Variants in C1orf94 observed in about 807,000 individuals in gnomAD.
C1orf94 encodes chromosome 1 open reading frame 94, also known as uncharacterized protein C1orf94.
A neutral mutation model predicts 53.6 loss-of-function variants in C1orf94; 45 were observed. The observed-to-expected ratio is 0.84, with a 90% CI of 0.66 to 1.08. C1orf94 has a LOEUF of 1.08. Ranked by LOEUF, C1orf94 falls within the 50% of genes least tolerant of loss-of-function variation. The probability of loss-of-function intolerance (pLI) is 0.00; values close to 1 mark genes in which losing one functional copy is unlikely to be tolerated. For missense variants in C1orf94, 762 were observed against 738.9 expected (o/e 1.03, Z -0.36); for synonymous variants, 304 against 296.1 (o/e 1.03, Z -0.27).
At chr1:34,204,467 A>G (rs986502202) in intron 4 of C1orf94, among the ~76,000 whole-genome samples, 1 of 152,168 alleles carries the variant, frequency 6.6e-6, no homozygotes, top group Non-Finnish European at 1.5e-5. Context: ...GTTTCATATT[A>G]GTAGTCTATT....
intron 2 of C1orf94, among the ~76,000 whole-genome samples, chr1:34,198,136 A>G (rs1364392851): frequency 3.9e-5 from 6 of 152,270 alleles, no homozygotes; most frequent in Non-Finnish European, 8.8e-5. Context: ...GCAAACCCAG[A>G]GGCCCTGATC....
At chr1:34,169,881 GA>G (rs1194350106) in intron 1 of C1orf94, among the ~76,000 whole-genome samples, 2 of 152,246 alleles carry the variant, frequency 1.3e-5, no homozygotes, top group Non-Finnish European at 2.9e-5. Flanking sequence ...GCTTCATGAG[GA>G]AAAAGCCCAG....
chr1:34,217,751 G>A (rs771873546), intron 6 of C1orf94, among the ~76,000 whole-genome samples: 1 of 152,104 alleles, frequency 6.6e-6, no homozygotes, highest in Admixed American at 6.5e-5. Flanking sequence ...CTCTGCTCCC[G>A]CTTTTTGTTT....
In C1orf94 at chr1:34,177,908, GC is replaced by G. The variant is rs749863622; in HGVS notation, c.123del (p.Cys42AlafsTer21). ...LPSSSALVAK[G>X]PCALGPFPRY... ...TCATCCTCGGCCCTGGTGGCCAAGG[GC>G]CCCTGCGCCCTGGGCCCATTCCCCA... is the stretch of plus-strand genomic sequence containing the variant. On this transcript the variant is annotated frameshift_variant, in exon 1 of 7. Transcript: ENST00000488417. LOFTEE classifies it high-confidence loss of function. The G allele has an allele frequency of 8.6e-5, 133 of 1,551,692 alleles. No homozygotes were observed. The highest frequency in any genetic ancestry group is 1.1e-4 in the Non-Finnish European group (126 of 1,146,978).
chr1:34,193,354 C>T (rs561002311), intron 1 of C1orf94, among the ~76,000 whole-genome samples: 84 of 152,268 alleles, frequency 5.5e-4, no homozygotes, highest in Non-Finnish European at 1.1e-3. Context: ...AGAAGATGTG[C>T]TCATCAGACA....
intron 6 of C1orf94, among the ~76,000 whole-genome samples, chr1:34,214,530 C>G (rs1415092821): frequency 6.6e-6 from 1 of 152,156 alleles, no homozygotes; most frequent in Non-Finnish European, 1.5e-5. Flanking sequence ...CCCAGACAAG[C>G]CCCCTGCAGG....
At chr1:34,185,366 G>A (rs1386459277) in intron 1 of C1orf94, among the ~76,000 whole-genome samples, 7 of 152,062 alleles carry the variant, frequency 4.6e-5, no homozygotes, top group Admixed American at 4.6e-4. Context: ...TTTTAGTAGA[G>A]ACAGGGTTTC....
chr1:34,204,173 C>G (rs561968228), intron 4 of C1orf94, among the ~76,000 whole-genome samples: 2 of 152,306 alleles, frequency 1.3e-5, no homozygotes, highest in Admixed American at 1.3e-4. Flanking sequence ...CTATGTCATT[C>G]TTTCCCTTTC....
At chr1:34,183,969 A>G (rs1009421123) in intron 1 of C1orf94, among the ~76,000 whole-genome samples, 1 of 152,182 alleles carries the variant, frequency 6.6e-6, no homozygotes, top group Non-Finnish European at 1.5e-5. Flanking sequence ...AACATCTTGC[A>G]AAAGGCAGAT....
intron 1 of C1orf94, among the ~76,000 whole-genome samples, chr1:34,168,268 ACTAT>A (rs1178514109): frequency 1.3e-5 from 2 of 152,306 alleles, no homozygotes; most frequent in African/African-American, 2.4e-5. Flanking sequence ...ACAGAGCCAG[ACTAT>A]CTGTCTATGA....
At chr1:34,195,467 G>A (rs376754906) in intron 1 of C1orf94, among the ~76,000 whole-genome samples, 12 of 152,174 alleles carry the variant, frequency 7.9e-5, no homozygotes, top group African/African-American at 2.9e-4. Flanking sequence ...CTCCAAGCCT[G>A]GTGATGTTCC....
chr1:34,180,855 T>C (rs1642301903), intron 1 of C1orf94, among the ~76,000 whole-genome samples: 1 of 152,194 alleles, frequency 6.6e-6, no homozygotes, highest in Non-Finnish European at 1.5e-5. Flanking sequence ...CCAGAATTTG[T>C]TTTTCTTGAC....
chr1:34,173,432 G>T (rs923585486), upstream of C1orf94, among the ~76,000 whole-genome samples: 1 of 152,088 alleles, frequency 6.6e-6, no homozygotes, highest in Non-Finnish European at 1.5e-5. Context: ...CCATTCCCAC[G>T]TTTCTGAGTT....
rs1004980351 is a variant in C1orf94 at position 34,219,009 on chromosome 1, C to T, written c.*248C>T. The T allele has an allele frequency of 6.0e-6, 2 of 335,906 alleles. No individual in the cohort carries two copies. Among genetic ancestry groups the T allele is most frequent in the Admixed American group, 4.8e-5 (1 of 21,012 alleles). The allele number at this position is 335,906 out of a possible 1,614,324, so 20.8% of individuals were successfully genotyped here. A position where few individuals can be genotyped will look rare whatever the true frequency, so the allele number is the denominator to read the frequency against. ...ATATTCATACTTGCTTGCTCAACCA[C>T]TTATGCATCTATATTTAGCTAACAT... On this transcript the variant is annotated 3_prime_UTR_variant, in exon 7 of 7. Transcript: ENST00000488417.
chr1:34,210,368 T>C lies in C1orf94; in HGVS notation c.1525-1842T>C, dbSNP rs578073710. 1.4e-4 allele frequency among the ~76,000 whole-genome samples: 21 copies of C among 152,262 alleles called. No individual in the cohort carries two copies. In the East Asian group the frequency reaches 1.7e-3, roughly 13 times the overall value. ...GGCCCCACATCTCCACTGGAGAACA[T>C]TGGGGAAGACCGGGAGGGAGGACTC... On this transcript the variant is annotated intron_variant, in intron 5 of 6. Coordinates refer to ENST00000488417, the MANE Select transcript of C1orf94 (RefSeq NM_001134734.2).
chr1:34,190,429 C>T (rs1642463038), intron 1 of C1orf94, among the ~76,000 whole-genome samples: 1 of 152,120 alleles, frequency 6.6e-6, no homozygotes, highest in African/African-American at 2.4e-5. Flanking sequence ...GTGCCCCATC[C>T]ACTTGAACAT....
intron 4 of C1orf94, 50 bp downstream of exon 4, chr1:34,202,309 C>A (rs765215327): frequency 2.5e-6 from 4 of 1,587,596 alleles, no homozygotes; most frequent in Non-Finnish European, 2.6e-6. Flanking sequence ...GGGTTTTGGC[C>A]ACAGAGAAGG....
intron 1 of C1orf94, among the ~76,000 whole-genome samples, chr1:34,168,281 G>T (rs1363574979): frequency 6.6e-6 from 1 of 152,036 alleles, no homozygotes; most frequent in African/African-American, 2.4e-5. Flanking sequence ...ATCTGTCTAT[G>T]AATTAATTAA....
At chr1:34,193,224 C>T (rs1642522977) in intron 1 of C1orf94, among the ~76,000 whole-genome samples, 2 of 152,032 alleles carry the variant, frequency 1.3e-5, no homozygotes, top group Non-Finnish European at 2.9e-5. Context: ...ATTTATTCCC[C>T]CAAAATGTTG....
Sources: allele counts gnomAD v4.1 joint callset (sites outside exome capture counted in the v4.1 genomes callset), GRCh38; gene constraint gnomAD v4.1.1; transcripts MANE v1.5; gene names NCBI Gene and HGNC (gene_info 2026-07-23, HGNC 2026-07-21).